The following RSF1 variants were observed in gnomAD, a reference collection of about 807,000 sequenced individuals.
RSF1 encodes remodeling and spacing factor 1.
Under a neutral mutation model 145.2 loss-of-function variants are expected in RSF1, and 13 were observed. That is an observed-to-expected ratio of 0.09 (90% CI 0.06 to 0.14). RSF1 has a LOEUF of 0.14. Ranked by LOEUF, RSF1 falls within the 10% of genes least tolerant of loss-of-function variation. RSF1 has a pLI of 1.00. For synonymous variants in RSF1, 577 were observed against 592.6 expected (o/e 0.97, Z 0.38); for missense variants, 1,517 against 1,718.2 (o/e 0.88, Z 2.07).
Position 77,660,312 on chromosome 11 carries a change from C to T in RSF1, c.*6605G>A, listed in dbSNP as rs1959219663. On this transcript the variant is annotated 3_prime_UTR_variant, in exon 16 of 16. Coordinates refer to ENST00000308488, the MANE Select transcript of RSF1 (RefSeq NM_016578.4). ...TAGGTGTTCATACACTGAAGTTAACCCCTGAAGCTTTAAGCTACCAAGAAT... is the reference window on the plus strand; with the variant it reads ...TAGGTGTTCATACACTGAAGTTAACTCCTGAAGCTTTAAGCTACCAAGAAT... 6.6e-6 allele frequency: 1 copy of T among 152,132 alleles called. No homozygotes were observed. Among genetic ancestry groups the T allele is most frequent in the African/African-American group, 2.4e-5 (1 of 41,448 alleles). 9.4% of individuals were successfully genotyped at this position (152,132 alleles called of 1,614,324 possible). A position where few individuals can be genotyped will look rare whatever the true frequency, so the allele number is the denominator to read the frequency against.
At chr11:77,838,297 G>C in the RSF1 span, among the ~76,000 whole-genome samples, 1 of 152,174 alleles carries the variant, frequency 6.6e-6, no homozygotes, top group Non-Finnish European at 1.5e-5. Flanking sequence ...AAGTGTTGCT[G>C]TGAACATACC....
At chr11:77,757,971 A>T (rs1474622465) in intron 2 of RSF1, among the ~76,000 whole-genome samples, 1 of 150,780 alleles carries the variant, frequency 6.6e-6, no homozygotes, top group East Asian at 1.9e-4. Flanking sequence ...CTCTAAAATT[A>T]AAAATTAAAA....
chr11:77,703,461 A>G (rs1032822659), intron 5 of RSF1: 6 of 152,180 alleles, frequency 3.9e-5, no homozygotes, highest in Non-Finnish European at 7.4e-5. Context: ...ACCTAATTCT[A>G]AACAAAGTTT....
At chr11:77,811,778 A>G (rs1948733907) in intron 1 of RSF1, among the ~76,000 whole-genome samples, 1 of 152,238 alleles carries the variant, frequency 6.6e-6, no homozygotes, top group South Asian at 2.1e-4. Context: ...GGTATCAAAG[A>G]AAGTGTCAGA....
chr11:77,707,413 G>A lies in RSF1; in HGVS notation c.734-4918C>T, dbSNP rs542100487. Among the ~76,000 whole-genome samples, 683 of 152,286 alleles carry A rather than the reference G, an allele frequency of 4.5e-3. 4 individuals carry two copies. Among genetic ancestry groups the A allele is most frequent in the Non-Finnish European group, 5.3e-3 (360 of 68,020 alleles). Reference sequence around the variant, plus strand: ...ACCTACAAAGTGAGATTTGGGCAAGGACATGATACATTTAACAGATGCTAA... The same window carrying A: ...ACCTACAAAGTGAGATTTGGGCAAGAACATGATACATTTAACAGATGCTAA... On this transcript the variant is annotated intron_variant, in intron 5 of 15. Coordinates refer to ENST00000308488, the MANE Select transcript of RSF1 (RefSeq NM_016578.4).
At chr11:77,715,591 G>A (rs1351483204) in intron 5 of RSF1, among the ~76,000 whole-genome samples, 1 of 152,036 alleles carries the variant, frequency 6.6e-6, no homozygotes, top group Admixed American at 6.6e-5. Context: ...GGGATTACAG[G>A]CTCATGCCAT....
chr11:77,745,986 C>T (rs552105053), intron 3 of RSF1, among the ~76,000 whole-genome samples: 165 of 151,960 alleles, frequency 1.1e-3, no homozygotes, highest in Admixed American at 4.1e-3. Context: ...AGTATACACA[C>T]TAATATATAA....
chr11:77,809,973 A>G (rs886448067), intron 1 of RSF1, among the ~76,000 whole-genome samples: 20 of 152,228 alleles, frequency 1.3e-4, no homozygotes, highest in Admixed American at 2.6e-4. Flanking sequence ...ACTCCCTGAG[A>G]TATCTAGCAT....
intron 1 of RSF1, among the ~76,000 whole-genome samples, chr11:77,818,649 C>T (rs1418237414): frequency 6.6e-6 from 1 of 151,940 alleles, no homozygotes; most frequent in African/African-American, 2.4e-5. Context: ...CTCGGTGGTG[C>T]ACACCTGTAA....
At chr11:77,826,173 T>C in the RSF1 span, among the ~76,000 whole-genome samples, 1 of 151,882 alleles carries the variant, frequency 6.6e-6, no homozygotes, top group Non-Finnish European at 1.5e-5. Flanking sequence ...ACCAGCCTGG[T>C]CAACATGGTG....
intron 15 of RSF1, among the ~76,000 whole-genome samples, chr11:77,669,497 A>C (rs1959462395): frequency 6.6e-6 from 1 of 152,074 alleles, no homozygotes; most frequent in Non-Finnish European, 1.5e-5. Flanking sequence ...ACAATGTCCT[A>C]CTCTGTGTTA....
intron 1 of RSF1, among the ~76,000 whole-genome samples, chr11:77,819,851 C>G (rs888849737): frequency 6.6e-6 from 1 of 152,058 alleles, no homozygotes; most frequent in Non-Finnish European, 1.5e-5. Context: ...ACTTCGCCCC[C>G]CTACCGAGAA....
chr11:77,798,275 AGGCTG>A (rs1397223087), intron 1 of RSF1, among the ~76,000 whole-genome samples: 1 of 152,172 alleles, frequency 6.6e-6, no homozygotes, highest in Non-Finnish European at 1.5e-5. Flanking sequence ...CATCAATGAT[AGGCTG>A]GATAAAGAAA....
At chr11:77,680,250 T>C (rs772252617) in intron 11 of RSF1, among the ~76,000 whole-genome samples, 2 of 151,132 alleles carry the variant, frequency 1.3e-5, no homozygotes, top group Non-Finnish European at 2.9e-5. Flanking sequence ...CTGGGCTATA[T>C]GGTGAGACCC....
the RSF1 span, among the ~76,000 whole-genome samples, chr11:77,853,632 T>C: frequency 6.6e-6 from 1 of 152,180 alleles, no homozygotes; most frequent in African/African-American, 2.4e-5. Flanking sequence ...CCAAATCTCA[T>C]GTCCTTCTCA....
chr11:77,686,213 C>T (rs1295169499), intron 9 of RSF1, among the ~76,000 whole-genome samples: 1 of 151,538 alleles, frequency 6.6e-6, no homozygotes, highest in East Asian at 1.9e-4. Flanking sequence ...ACCAGCTGGG[C>T]AACACAGTGA....
At chr11:77,870,546 C>T in the RSF1 span, among the ~76,000 whole-genome samples, 6 of 151,826 alleles carry the variant, frequency 4.0e-5, no homozygotes. Flanking sequence ...ACCGTGTTAG[C>T]CAGGATGGTC....
chr11:77,871,641 G>A, the RSF1 span, among the ~76,000 whole-genome samples: 2 of 152,174 alleles, frequency 1.3e-5, no homozygotes, highest in African/African-American at 4.8e-5. Flanking sequence ...TATTTTACAA[G>A]GGAAGAAATT....
intron 9 of RSF1, among the ~76,000 whole-genome samples, chr11:77,690,599 T>C (rs907879795): frequency 5.9e-5 from 9 of 152,188 alleles, no homozygotes; most frequent in African/African-American, 2.2e-4. Context: ...GCCCAGCTGA[T>C]TTTTGTATTT....
Sources: allele counts gnomAD v4.1 joint callset (sites outside exome capture counted in the v4.1 genomes callset), GRCh38; gene constraint gnomAD v4.1.1; transcripts MANE v1.5; gene names NCBI Gene and HGNC (gene_info 2026-07-23, HGNC 2026-07-21).